Variants in GRM7 observed in about 807,000 individuals in gnomAD.
The protein encoded by GRM7 is metabotropic glutamate receptor 7.
Under a neutral mutation model 84.5 loss-of-function variants are expected in GRM7, and 35 were observed. The ratio of observed to expected loss-of-function variants is 0.41; its 90% CI spans 0.32 to 0.55. The LOEUF is 0.55. Among genes scored for constraint, GRM7 ranks in the 20% least tolerant of loss-of-function variants. GRM7 has a pLI of 0.19. For synonymous variants in GRM7, 487 were observed against 455.1 expected (o/e 1.07, Z -0.89); for missense variants, 1,003 against 1,194.6 (o/e 0.84, Z 2.36).
chr3:7,093,635 C>CCACTG (rs984937279), intron 1 of GRM7, among the ~76,000 whole-genome samples: 3 of 130,998 alleles, frequency 2.3e-5, no homozygotes, highest in African/African-American at 5.9e-5. Context: ...CTAGATCACA[C>CCACTG]CACTGCACTC....
rs149451159 is a variant in GRM7, at chr3:6,928,772, A to G, written c.519+66865A>G. On this transcript the variant is annotated intron_variant, in intron 1 of 9. Coordinates refer to ENST00000357716, the MANE Select transcript of GRM7 (RefSeq NM_000844.4). This position sits in a 1 kb window ranked among gnomAD's most constrained non-coding sequence, Gnocchi z 4.5. ...AAGGTTGTAATTGTAGCCTTCTGCTATATTTACTGTTAGAAAATGTTCTTT... is the reference window on the plus strand; with the variant it reads ...AAGGTTGTAATTGTAGCCTTCTGCTGTATTTACTGTTAGAAAATGTTCTTT... Among the ~76,000 whole-genome samples the G allele has an allele frequency of 6.6e-6, 1 of 152,308 alleles. No homozygotes were observed. Among genetic ancestry groups the G allele is most frequent in the African/African-American group, 2.4e-5 (1 of 41,574 alleles).
chr3:7,446,134 T>A lies in GRM7; in HGVS notation c.1175-6473T>A, dbSNP rs147453976. 2.6e-3 allele frequency among the ~76,000 whole-genome samples: 392 copies of A among 152,338 alleles called. 3 individuals carry two copies. The highest frequency in any genetic ancestry group is 8.6e-3 in the African/African-American group (357 of 41,582). On this transcript the variant is annotated intron_variant, in intron 5 of 9. Coordinates refer to ENST00000357716, the MANE Select transcript of GRM7 (RefSeq NM_000844.4). ...ACTTCAGCCTCAAGAAATATTTAAG[T>A]TTGAGGCTTTACATTCAATAAAATT...
chr3:7,431,774 G>A (rs116392531), intron 5 of GRM7, among the ~76,000 whole-genome samples: 54 of 152,294 alleles, frequency 3.5e-4, no homozygotes, highest in Non-Finnish European at 5.4e-4. Flanking sequence ...GTTGTTCACC[G>A]CAGTACACTC....
chr3:7,054,729 CTCTT>C (rs1476155643), intron 1 of GRM7, among the ~76,000 whole-genome samples: 1 of 151,926 alleles, frequency 6.6e-6, no homozygotes, highest in Non-Finnish European at 1.5e-5. Context: ...ATCTCTCTCT[CTCTT>C]TCTGTCTGTC....
intron 2 of GRM7, among the ~76,000 whole-genome samples, chr3:7,273,381 G>A (rs1010569527): frequency 1.4e-4 from 22 of 152,056 alleles, no homozygotes; most frequent in African/African-American, 5.3e-4. Context: ...TTGACTGTTG[G>A]CATTGTTGAG....
At chr3:7,407,133 G>A (rs1245298537) in intron 4 of GRM7, among the ~76,000 whole-genome samples, 1 of 152,288 alleles carries the variant, frequency 6.6e-6, no homozygotes, top group Non-Finnish European at 1.5e-5. Flanking sequence ...TTTCTGCACA[G>A]AACATTTAAT....
At chr3:7,337,489 G>T (rs1028470387) in intron 4 of GRM7, among the ~76,000 whole-genome samples, 8 of 151,918 alleles carry the variant, frequency 5.3e-5, no homozygotes, top group Admixed American at 3.9e-4. Context: ...CCACAGAGTG[G>T]GAGAAAGTAT....
At chr3:7,417,479 A>G (rs1157422309) in intron 5 of GRM7, among the ~76,000 whole-genome samples, 2 of 152,132 alleles carry the variant, frequency 1.3e-5, no homozygotes, top group Non-Finnish European at 2.9e-5. Context: ...GTATACTTCA[A>G]TTTGGAAGTG....
intron 7 of GRM7, among the ~76,000 whole-genome samples, chr3:7,506,950 C>A (rs922491793): frequency 6.6e-6 from 1 of 152,130 alleles, no homozygotes; most frequent in Admixed American, 6.5e-5. Flanking sequence ...CATACCATAG[C>A]TCTCACACCT....
chr3:7,235,628 T>C (rs1028117958), intron 2 of GRM7, among the ~76,000 whole-genome samples: 2 of 152,210 alleles, frequency 1.3e-5, no homozygotes, highest in Admixed American at 6.5e-5. Flanking sequence ...ATCATACATT[T>C]ATATCTTGCC....
chr3:7,680,400 C>G (rs1474891508), intron 9 of GRM7, 105 bp downstream of exon 9: 22 of 1,228,972 alleles, frequency 1.8e-5, no homozygotes, highest in Non-Finnish European at 2.6e-5. Flanking sequence ...TCGTTCTTGT[C>G]TTATGGGCTG....
chr3:6,977,542 C>G (rs941301533), intron 1 of GRM7, among the ~76,000 whole-genome samples: 1 of 152,100 alleles, frequency 6.6e-6, no homozygotes, highest in South Asian at 2.1e-4. Context: ...AATGCCAACC[C>G]CCCACTAAGT....
chr3:7,535,101 A>G (rs191367115), intron 7 of GRM7: 7 of 152,100 alleles, frequency 4.6e-5, no homozygotes, highest in Non-Finnish European at 1.0e-4. Flanking sequence ...ATTTCTTCCT[A>G]TGTGTCTTTT....
intron 2 of GRM7, among the ~76,000 whole-genome samples, chr3:7,189,974 A>G (rs1695654883): frequency 6.6e-6 from 1 of 152,028 alleles, no homozygotes; most frequent in Admixed American, 6.6e-5. Context: ...ACACACACAA[A>G]CAGACCCACA....
intron 1 of GRM7, among the ~76,000 whole-genome samples, chr3:6,868,734 G>A (rs1488292229): frequency 1.3e-5 from 2 of 152,180 alleles, no homozygotes; most frequent in African/African-American, 4.8e-5. Context: ...TGAAAGTCAA[G>A]TTGATAGAGC....
chr3:7,037,055 G>C (rs533355408), intron 1 of GRM7, among the ~76,000 whole-genome samples: 1 of 152,150 alleles, frequency 6.6e-6, no homozygotes, highest in Non-Finnish European at 1.5e-5. Flanking sequence ...ATTTATTAAT[G>C]TTTCTAATAA....
At chr3:7,074,126 A>G (rs975462081) in intron 1 of GRM7, among the ~76,000 whole-genome samples, 5 of 152,212 alleles carry the variant, frequency 3.3e-5, no homozygotes, top group South Asian at 2.1e-4. Context: ...ACAAATATCT[A>G]AATATTTTTC....
intron 1 of GRM7, among the ~76,000 whole-genome samples, chr3:6,988,758 G>A (rs546054248): frequency 5.9e-5 from 9 of 152,284 alleles, no homozygotes; most frequent in Admixed American, 3.9e-4. Flanking sequence ...ATTTTCATAA[G>A]AAGTATAATT....
chr3:7,538,844 T>A lies in GRM7; in HGVS notation c.1516-39578T>A, dbSNP rs74491580. ...TTTTTGTTAAAATCAAGTGAACAGA[T>A]GCCAGATAAACTTATGTTATTAAGC... On this transcript the variant is annotated intron_variant, in intron 7 of 9. Transcript: ENST00000357716. Among the ~76,000 whole-genome samples, 420 of 152,326 alleles carry A rather than the reference T, an allele frequency of 2.8e-3. 1 individual carries two copies. Among genetic ancestry groups the A allele is most frequent in the African/African-American group, 8.9e-3 (369 of 41,572 alleles).
Sources: gnomAD v4.1 joint callset for allele counts (sites outside exome capture counted in the v4.1 genomes callset) on GRCh38, gnomAD v4.1.1 for gene constraint, Gnocchi (gnomAD v3.1) non-coding constraint, MANE v1.5 for transcripts, NCBI Gene and HGNC (gene_info 2026-07-23, HGNC 2026-07-21) for gene names.